The following IFRD1 variants were observed in gnomAD, a reference collection of about 807,000 sequenced individuals.
The protein encoded by IFRD1 is interferon-related developmental regulator 1.
Under a neutral mutation model 52.9 loss-of-function variants are expected in IFRD1, and 35 were observed. The observed-to-expected ratio is 0.66, with a 90% confidence interval of 0.51 to 0.88. The LOEUF (loss-of-function observed/expected upper bound fraction) is 0.88. IFRD1 is among the 40% of genes least tolerant of loss of function. The pLI, the probability that IFRD1 is intolerant of heterozygous loss-of-function variation, is 0.00. For missense variants in IFRD1, 517 were observed against 550.8 expected, an observed-to-expected ratio of 0.94 and a Z score of 0.61; for synonymous variants, 184 against 188.4, an observed-to-expected ratio of 0.98 and a Z score of 0.19.
upstream of IFRD1, among the ~76,000 whole-genome samples, chr7:112,449,826 T>TGGG (rs57063084): frequency 8.3e-6 from 1 of 120,308 alleles, no homozygotes; most frequent in Admixed American, 8.2e-5. Context: ...TCCCTTTTTT[T>TGGG]GGGGGGGGGG....
At position 112,468,039 on chromosome 7, in the gene IFRD1, A is replaced by G; in HGVS notation, c.965A>G (p.Asp322Gly). 6.2e-7 allele frequency: 1 copy of G among 1,614,094 alleles called. No homozygotes were observed. The highest frequency in any genetic ancestry group is 8.5e-7 in the Non-Finnish European group (1 of 1,179,968). The change falls in exon 9 of 12, where the codon GAT becomes GGT. Residue 322 changes from aspartate to glycine, a missense_variant. Physicochemically the swap from Asp to Gly is moderately conservative, Grantham distance 94. Transcript: ENST00000403825. The part of the protein sequence containing the change: ...LTQMLRALAT[D>G]GNKHRAKVDK... ...CAGATGCTTAGGGCCTTGGCAACAGATGGAAATAAACACCGGGCCAAAGTG... is the reference window on the plus strand; with the variant it reads ...CAGATGCTTAGGGCCTTGGCAACAGGTGGAAATAAACACCGGGCCAAAGTG...
chr7:112,453,329 A>G (rs1407166106), intron 1 of IFRD1, among the ~76,000 whole-genome samples: 1 of 152,198 alleles, frequency 6.6e-6, no homozygotes, highest in African/African-American at 2.4e-5. Flanking sequence ...CCCTCTAGAA[A>G]TAAGTACTTT....
intron 9 of IFRD1, among the ~76,000 whole-genome samples, chr7:112,470,772 A>G (rs1795725708): frequency 6.6e-6 from 1 of 152,258 alleles, no homozygotes; most frequent in Admixed American, 6.5e-5. Flanking sequence ...TAGATTACTT[A>G]TAATACCTAA....
At chr7:112,451,686 A>T (rs1303556598) in intron 1 of IFRD1, among the ~76,000 whole-genome samples, 2 of 152,210 alleles carry the variant, frequency 1.3e-5, no homozygotes, top group Non-Finnish European at 2.9e-5. Flanking sequence ...AAGGATTCCA[A>T]TTGGAATTGG....
At chr7:112,472,539 G>T (rs1422289968) in intron 10 of IFRD1, among the ~76,000 whole-genome samples, 192 bp downstream of exon 10, 2 of 152,054 alleles carry the variant, frequency 1.3e-5, no homozygotes, top group African/African-American at 4.8e-5. Context: ...TATTGTTAAA[G>T]TTGGGTGGAC....
rs1259508932 is a variant in IFRD1 at position 112,456,033 on chromosome 7, A to C, written c.231A>C (p.Gln77His). 6.2e-7 allele frequency: 1 copy of C among 1,609,300 alleles called. No homozygotes were observed. The highest frequency in any genetic ancestry group is 8.5e-7 in the Non-Finnish European group (1 of 1,175,816). The change falls in exon 3 of 12, where the codon CAA becomes CAC. Residue 77 changes from glutamine to histidine, a missense_variant. Coordinates refer to ENST00000403825, the MANE Select transcript of IFRD1 (RefSeq NM_001550.4). ...AAGTCCTTGATGAGGAAGGAACTCA[A>C]GAAGACCTAGAGTACAAGTTGAAGG... ...GPEVLDEEGT[Q>H]EDLEYKLKGL...
At chr7:112,473,573 C>G (rs891736096) in intron 11 of IFRD1, among the ~76,000 whole-genome samples, 2 of 151,926 alleles carry the variant, frequency 1.3e-5, no homozygotes, top group Non-Finnish European at 2.9e-5. Context: ...TACAGGTGTG[C>G]ATTACCACAC....
intron 1 of IFRD1, among the ~76,000 whole-genome samples, chr7:112,441,055 A>G (rs188858782): frequency 2.0e-5 from 3 of 152,190 alleles, no homozygotes; most frequent in Non-Finnish European, 4.4e-5. Flanking sequence ...AGGGTGGATC[A>G]TGAGGTCAAG....
chr7:112,462,291 C>A lies in IFRD1; in HGVS notation c.819C>A (p.Ser273Arg), dbSNP rs1795460769. ...KLEMHFHKLPSLLSCDDVNMR... is the reference protein window; with the variant it reads ...KLEMHFHKLPRLLSCDDVNMR... ...TTAGGCATTTCCATAAGCTTCCAAGCCTCCTCTCTTGTGATGATGTAAACA... is the reference window on the plus strand; with the variant it reads ...TTAGGCATTTCCATAAGCTTCCAAGACTCCTCTCTTGTGATGATGTAAACA... Residue 273 changes from serine (S) to arginine (R), a missense_variant, in exon 8 of 12, where the codon AGC becomes AGA. Transcript: ENST00000403825. 1 of 1,613,412 alleles carries A rather than the reference C, an allele frequency of 6.2e-7. No homozygotes were observed. Among genetic ancestry groups the A allele is most frequent in the African/African-American group, 1.3e-5 (1 of 74,884 alleles).
intron 8 of IFRD1, among the ~76,000 whole-genome samples, chr7:112,463,880 ACACACACACACACAC>A (rs148326158): frequency 0.079 from 4,100 of 51,784 alleles, 201 homozygotes; most frequent in African/African-American, 0.27. Context: ...ACACACACAC[ACACACACACACACAC>A]CCCACGTATC....
chr7:112,461,093 A>G (rs1380172372), intron 5 of IFRD1, among the ~76,000 whole-genome samples: 1 of 152,152 alleles, frequency 6.6e-6, no homozygotes, highest in Non-Finnish European at 1.5e-5. Context: ...CCCTCCCCAA[A>G]CAAAAGGCAA....
rs775826564 is a variant in IFRD1, at chr7:112,459,026, T to A, written c.567+8T>A. 1.1e-5 allele frequency: 17 copies of A among 1,609,260 alleles called. No individual in the cohort carries two copies. The highest frequency in any genetic ancestry group is 1.4e-5 in the Non-Finnish European group (17 of 1,176,036). On this transcript the variant is annotated splice_region_variant and intron_variant, in intron 5 of 11. Transcript: ENST00000403825. Reference sequence around the variant, plus strand: ...ATGCAGGCTAGGCAAACTGTAAGTATAAGATATTTACATTTATAGATCTGT... The same window carrying A: ...ATGCAGGCTAGGCAAACTGTAAGTAAAAGATATTTACATTTATAGATCTGT...
rs532250908 is a variant in IFRD1, at chr7:112,477,007, A to G, written c.*1488A>G. 1 of 152,220 alleles carries G rather than the reference A, an allele frequency of 6.6e-6. No individual in the cohort carries two copies. Among genetic ancestry groups the G allele is most frequent in the South Asian group, 2.1e-4 (1 of 4,824 alleles). 9.4% of individuals were successfully genotyped at this position (152,220 alleles called of 1,614,324 possible). On this transcript the variant is annotated 3_prime_UTR_variant, in exon 12 of 12. Transcript: ENST00000403825. ...TCACTGTTGCTGAGTCCCATCCCCC[A>G]GTTACAGTGCAGTGGAAAACAGGTT...
chr7:112,450,982 C>T (rs1242480182), intron 1 of IFRD1, 200 bp downstream of exon 1: 1 of 607,522 alleles, frequency 1.6e-6, no homozygotes, highest in Non-Finnish European at 3.0e-6. Flanking sequence ...GCGTGCGAAC[C>T]GGACTCTTGG....
rs777415888 is a variant in IFRD1 at position 112,450,647 on chromosome 7, C to G, written c.-42C>G. ...AAAAAGTGCAGCTCCATCGGCTGAT[C>G]CTCGCTAAGCTCCGACTCTGGGCGG... On this transcript the variant is annotated 5_prime_UTR_variant, in exon 1 of 12. It adds an upstream start codon to the 5' untranslated region. Transcript: ENST00000403825. 1.5e-5 allele frequency: 23 copies of G among 1,520,282 alleles called. No individual in the cohort carries two copies. The Admixed American group carries it at 3.7e-4, about 24-fold the overall frequency. 94.2% of individuals were successfully genotyped at this position (1,520,282 alleles called of 1,614,324 possible).
chr7:112,426,541 G>A (rs769570118), intron 1 of IFRD1, among the ~76,000 whole-genome samples: 6 of 152,144 alleles, frequency 3.9e-5, no homozygotes, highest in Non-Finnish European at 5.9e-5. Flanking sequence ...CCTTCTTGCC[G>A]CATCATGTAA....
intron 3 of IFRD1, 89 bp from the exon 4 acceptor site, chr7:112,456,825 G>T (rs6967894): frequency 7.3e-6 from 9 of 1,239,558 alleles, no homozygotes; most frequent in Non-Finnish European, 9.4e-6. Flanking sequence ...CTATACATAG[G>T]TAAAGTTTAG....
Position 112,462,142 on chromosome 7 carries a change from A to G in IFRD1, c.760A>G (p.Ile254Val), listed in dbSNP as rs1795454951. The G allele has an allele frequency of 6.2e-7, 1 of 1,613,918 alleles. No homozygotes were observed. Among genetic ancestry groups the G allele is most frequent in the South Asian group, 1.1e-5 (1 of 91,080 alleles). ...TCTTGCATGGACACTACTGCTGACC[A>G]TATGCCCAATCAATGAAGTGAAGAA... is the stretch of plus-strand genomic sequence containing the variant. ...SLLAWTLLLT[I>V]CPINEVKKKL... is the part of the protein sequence containing the mutation. The change falls in exon 7 of 12, where the codon ATA (isoleucine) becomes GTA (valine). Residue 254 changes from isoleucine to valine, a missense_variant. Transcript: ENST00000403825.
Position 112,461,678 on chromosome 7 carries a change from C to G in IFRD1, c.568-188C>G. On this transcript the variant is annotated intron_variant, in intron 5 of 11. Transcript: ENST00000403825. ...TGTGAATTTAGTAGCAGAGCTTGAG[C>G]TGAAACGCACTTCCTTTGATCTTAG... 3 of 370,664 alleles carry G rather than the reference C, an allele frequency of 8.1e-6. No homozygotes were observed. The Admixed American group carries it at 1.3e-4, about 16-fold the overall frequency. The allele number at this position is 370,664 out of a possible 1,614,324, so 23.0% of individuals were successfully genotyped here. A position where few individuals can be genotyped will look rare whatever the true frequency, so the allele number is the denominator to read the frequency against.
Sources: allele counts gnomAD v4.1 joint callset (sites outside exome capture counted in the v4.1 genomes callset), GRCh38; gene constraint gnomAD v4.1.1; transcripts MANE v1.5; gene names NCBI Gene and HGNC (gene_info 2026-07-23, HGNC 2026-07-21).